The following FAM227B variants were observed in gnomAD, a reference collection of about 807,000 sequenced individuals.
The protein encoded by FAM227B is protein FAM227B.
In FAM227B, 88 loss-of-function variants were observed where a neutral mutation model predicts 73.8. The ratio of observed to expected loss-of-function variants is 1.19; its 90% CI spans 1.00 to 1.42. FAM227B has a LOEUF of 1.42. FAM227B is among the 40% of genes most tolerant of loss of function. The pLI is 0.00. For missense variants in FAM227B, 632 were observed against 590.9 expected (o/e 1.07, Z -0.72); for synonymous variants, 210 against 190.5 (o/e 1.10, Z -0.84).
intron 11 of FAM227B, among the ~76,000 whole-genome samples, chr15:49,380,556 A>G (rs1175889009): frequency 6.6e-6 from 1 of 152,236 alleles, no homozygotes; most frequent in Non-Finnish European, 1.5e-5. Flanking sequence ...TGCTAAAGAA[A>G]TCATCTTGAA....
chr15:49,495,356 G>A (rs1365830793), intron 11 of FAM227B, among the ~76,000 whole-genome samples: 2 of 152,154 alleles, frequency 1.3e-5, no homozygotes, highest in African/African-American at 4.8e-5. Context: ...AATCTGAATA[G>A]TTCCGTTAAA....
intron 3 of FAM227B, among the ~76,000 whole-genome samples, chr15:49,593,344 C>G (rs1266696977): frequency 6.6e-6 from 1 of 152,180 alleles, no homozygotes; most frequent in Non-Finnish European, 1.5e-5. Context: ...TTTCTTTCAT[C>G]AATATTTTAC....
At chr15:49,541,340 C>T (rs555098590) in intron 10 of FAM227B, among the ~76,000 whole-genome samples, 14 of 151,968 alleles carry the variant, frequency 9.2e-5, no homozygotes, top group African/African-American at 2.4e-4. Context: ...TAATATTATT[C>T]GCTAATTAAA....
chr15:49,496,699 C>T (rs1438363892), intron 11 of FAM227B, among the ~76,000 whole-genome samples: 1 of 152,026 alleles, frequency 6.6e-6, no homozygotes, highest in Non-Finnish European at 1.5e-5. Flanking sequence ...AAGTTAACTC[C>T]ACATTACAAT....
intron 8 of FAM227B, among the ~76,000 whole-genome samples, chr15:49,572,899 A>G (rs1489867906): frequency 6.6e-6 from 1 of 151,418 alleles, no homozygotes; most frequent in Non-Finnish European, 1.5e-5. Context: ...GGCCTAATTG[A>G]GTTTCTTTAT....
intron 11 of FAM227B, among the ~76,000 whole-genome samples, chr15:49,450,152 T>C (rs1432222369): frequency 6.6e-6 from 1 of 152,196 alleles, no homozygotes; most frequent in East Asian, 1.9e-4. Flanking sequence ...ATAAAGAAAT[T>C]TGCAATAATG....
intron 11 of FAM227B, among the ~76,000 whole-genome samples, chr15:49,456,168 C>A (rs10519230): frequency 6.6e-6 from 1 of 151,760 alleles, no homozygotes; most frequent in Non-Finnish European, 1.5e-5. Context: ...AGTTTTTTTC[C>A]AGATATGCTA....
intron 13 of FAM227B, among the ~76,000 whole-genome samples, chr15:49,345,017 A>G (rs111871460): frequency 1.5e-4 from 23 of 152,322 alleles, no homozygotes; most frequent in African/African-American, 5.5e-4. Context: ...GCATACAGCT[A>G]TTACCTGCTA....
intron 9 of FAM227B, among the ~76,000 whole-genome samples, chr15:49,549,264 ATTGT>A (rs1367633528): frequency 2.0e-5 from 3 of 151,964 alleles, no homozygotes; most frequent in Non-Finnish European, 2.9e-5. Flanking sequence ...TGAGGAGCAT[ATTGT>A]TTAATTTCCA....
chr15:49,619,734 G>C (rs960070832), intron 1 of FAM227B, among the ~76,000 whole-genome samples: 2 of 152,170 alleles, frequency 1.3e-5, no homozygotes, highest in East Asian at 1.9e-4. Context: ...ATAAAATTTA[G>C]AGTTAAACTA....
At chr15:49,386,341 C>T (rs901893091) in intron 11 of FAM227B, among the ~76,000 whole-genome samples, 1 of 151,418 alleles carries the variant, frequency 6.6e-6, no homozygotes, top group Non-Finnish European at 1.5e-5. Context: ...AAATCAACTC[C>T]AAAAGGAACC....
In FAM227B at chr15:49,366,556, C is replaced by T. The variant is rs530641710; in HGVS notation, c.1271+892G>A. On this transcript the variant is annotated intron_variant, in intron 13 of 15. Transcript: ENST00000299338. ...GAGCTGACCAATGGGGGTTATAAAGCATGCAGTAGTCCTTGGATGTGCCAT... is the reference window on the plus strand; with the variant it reads ...GAGCTGACCAATGGGGGTTATAAAGTATGCAGTAGTCCTTGGATGTGCCAT... 7 of 1,591,394 alleles carry T rather than the reference C, an allele frequency of 4.4e-6. No individual in the cohort carries two copies. The East Asian group carries it at 1.6e-4, about 36-fold the overall frequency.
At chr15:49,406,939 G>C (rs73398257) in intron 11 of FAM227B, among the ~76,000 whole-genome samples, 1,550 of 152,054 alleles carry the variant, frequency 0.01, 23 homozygotes, top group African/African-American at 0.036. Context: ...CAGAACACCC[G>C]AGGATGCCCT....
intron 11 of FAM227B, among the ~76,000 whole-genome samples, chr15:49,403,168 C>T (rs2048289276): frequency 1.3e-5 from 2 of 152,172 alleles, no homozygotes; most frequent in East Asian, 1.9e-4. Flanking sequence ...ATGTGCTGCT[C>T]GATTTAGTTT....
chr15:49,358,724 T>C (rs536179095), intron 13 of FAM227B, among the ~76,000 whole-genome samples: 1 of 151,764 alleles, frequency 6.6e-6, no homozygotes, highest in Non-Finnish European at 1.5e-5. Flanking sequence ...CTTCACAGAA[T>C]TGGAAAAAAC....
intron 4 of FAM227B, among the ~76,000 whole-genome samples, chr15:49,588,887 C>T (rs77844230): frequency 4.6e-5 from 7 of 151,648 alleles, no homozygotes; most frequent in Non-Finnish European, 8.8e-5. Context: ...AACACATCTT[C>T]AGAATTACAC....
intron 10 of FAM227B, among the ~76,000 whole-genome samples, chr15:49,525,123 A>T (rs1411071024): frequency 6.6e-6 from 1 of 152,024 alleles, no homozygotes; most frequent in African/African-American, 2.4e-5. Context: ...TTGGGAGGGA[A>T]TCGGGGTAAA....
chr15:49,352,507 C>T (rs928812728), intron 13 of FAM227B, among the ~76,000 whole-genome samples: 1 of 152,202 alleles, frequency 6.6e-6, no homozygotes, highest in Non-Finnish European at 1.5e-5. Flanking sequence ...CCTTCAGTAT[C>T]ATCCCACCCC....
intron 10 of FAM227B, among the ~76,000 whole-genome samples, chr15:49,511,303 A>C (rs2058980645): frequency 1.3e-5 from 2 of 152,064 alleles, no homozygotes; most frequent in South Asian, 2.1e-4. Flanking sequence ...AAGGCCATAA[A>C]TTACCTTCCA....
Sources: allele counts gnomAD v4.1 joint callset (sites outside exome capture counted in the v4.1 genomes callset), GRCh38; gene constraint gnomAD v4.1.1; transcripts MANE v1.5; gene names NCBI Gene and HGNC (gene_info 2026-07-23, HGNC 2026-07-21).